The following FOXL2NB variants were observed in gnomAD, a reference collection of about 807,000 sequenced individuals.
The protein encoded by FOXL2NB is FOXL2 neighbor protein.
A neutral mutation model predicts 7.4 loss-of-function variants in FOXL2NB; 10 were observed. That is an observed-to-expected ratio of 1.34 (90% CI 0.83 to 2.28). The LOEUF (loss-of-function observed/expected upper bound fraction) is 2.28. FOXL2NB is among the 30% of genes most tolerant of loss of function. The pLI is 0.00. For synonymous variants in FOXL2NB, 104 were observed against 105.3 expected, an observed-to-expected ratio of 0.99 and a Z score of 0.08; for missense variants, 228 against 233.9, an observed-to-expected ratio of 0.97 and a Z score of 0.17.
rs1936159830 is a variant in FOXL2NB at position 138,952,900 on chromosome 3, T to C, written c.*2328T>C. On this transcript the variant is annotated 3_prime_UTR_variant, in exon 3 of 3. Transcript: ENST00000383165. The stretch of plus-strand genomic sequence containing the variant: ...TTGCTTACATGGATAAGTTCTTTAA[T>C]GGTAATTTCTGAGATTTTGGTGCAC... 6.6e-6 allele frequency: 1 copy of C among 152,018 alleles called. No individual in the cohort carries two copies. Among genetic ancestry groups the C allele is most frequent in the African/African-American group, 2.4e-5 (1 of 41,378 alleles). The allele number at this position is 152,018 out of a possible 1,614,324, so 9.4% of individuals were successfully genotyped here.
Position 138,947,656 on chromosome 3 carries a change from C to A in FOXL2NB, c.100+192C>A. 1 of 1,361,054 alleles carries A rather than the reference C, an allele frequency of 7.3e-7. No homozygotes were observed. Among genetic ancestry groups the A allele is most frequent in the Non-Finnish European group, 9.4e-7 (1 of 1,060,950 alleles). The allele number at this position is 1,361,054 out of a possible 1,614,324, so 84.3% of individuals were successfully genotyped here. On this transcript the variant is annotated intron_variant, in intron 1 of 2. Transcript: ENST00000383165. This position sits in a 1 kb window ranked among gnomAD's most constrained non-coding sequence, Gnocchi z 5.2. ...CGAAGAAGCCTCGGCCTGGCCTGTC[C>A]CTCGCGCTCTCAGAGTGACTGGGCT...
In FOXL2NB at chr3:138,951,700, G is replaced by C. The variant is rs1275774436; in HGVS notation, c.*1128G>C. 6.6e-6 allele frequency: 1 copy of C among 152,214 alleles called. No homozygotes were observed. Among genetic ancestry groups the C allele is most frequent in the Non-Finnish European group, 1.5e-5 (1 of 68,056 alleles). 9.4% of individuals were successfully genotyped at this position (152,214 alleles called of 1,614,324 possible). A position where few individuals can be genotyped will look rare whatever the true frequency, so the allele number is the denominator to read the frequency against. On this transcript the variant is annotated 3_prime_UTR_variant, in exon 3 of 3. Transcript: ENST00000383165. ...GACATCTATGGCCCAAAGCCATTTT[G>C]TTCAGCTCTGAACAGTGAGTGCCTT... is the stretch of plus-strand genomic sequence containing the variant.
rs977306737 is a variant in FOXL2NB, at chr3:138,952,603, G to C, written c.*2031G>C. On this transcript the variant is annotated 3_prime_UTR_variant, in exon 3 of 3. Coordinates refer to ENST00000383165, the MANE Select transcript of FOXL2NB (RefSeq NM_001040061.3). ...GCTTACCGCAGTCTCCACCTCCCAG[G>C]CTCAAGTGATCCTCCCATCTCAGCC... 1.3e-5 allele frequency: 2 copies of C among 151,556 alleles called. No homozygotes were observed. The highest frequency in any genetic ancestry group is 4.9e-5 in the African/African-American group (2 of 41,088). The allele number at this position is 151,556 out of a possible 1,614,324, so 9.4% of individuals were successfully genotyped here. A position where few individuals can be genotyped will look rare whatever the true frequency, so the allele number is the denominator to read the frequency against.
Position 138,949,556 on chromosome 3 carries a change from C to T in FOXL2NB, c.137C>T (p.Ala46Val), listed in dbSNP as rs865982825. ...PALVKKRMPD[A>V]CTLGRAGIGL... ...CTGGTGAAGAAGAGGATGCCTGATG[C>T]GTGCACCCTGGGAAGGGCTGGAATC... Residue 46 changes from alanine to valine, a missense_variant, in exon 2 of 3, where the codon GCG (alanine) becomes GTG (valine). Physicochemically the swap from Ala to Val is moderately conservative, Grantham distance 64. Transcript: ENST00000383165. This position sits in a 1 kb window ranked among gnomAD's most constrained non-coding sequence, Gnocchi z 4.5. 3 of 1,614,106 alleles carry T rather than the reference C, an allele frequency of 1.9e-6. No homozygotes were observed. Among genetic ancestry groups the T allele is most frequent in the African/African-American group, 2.7e-5 (2 of 75,020 alleles).
chr3:138,951,428 C>T lies in FOXL2NB; in HGVS notation c.*856C>T, dbSNP rs1488896377. 6.6e-6 allele frequency: 1 copy of T among 152,238 alleles called. No homozygotes were observed. The highest frequency in any genetic ancestry group is 1.5e-5 in the Non-Finnish European group (1 of 68,066). 9.4% of individuals were successfully genotyped at this position (152,238 alleles called of 1,614,324 possible). On this transcript the variant is annotated 3_prime_UTR_variant, in exon 3 of 3. Coordinates refer to ENST00000383165, the MANE Select transcript of FOXL2NB (RefSeq NM_001040061.3). ...GAGCTCTGGGCTCCTCTTTACCTTG[C>T]TGATGTTGGGGTATGAGTCCTCCAA...
At position 138,951,562 on chromosome 3, in the gene FOXL2NB, C is replaced by A. The variant is rs1936132344; in HGVS notation, c.*990C>A. On this transcript the variant is annotated 3_prime_UTR_variant, in exon 3 of 3. Transcript: ENST00000383165. ...CCAACTGGGAAAAAGGCAGAAGGGT[C>A]TGGGTCCTGGGCCAAGTGAGGCCCT... 6.6e-6 allele frequency: 1 copy of A among 152,278 alleles called. No homozygotes were observed. The highest frequency in any genetic ancestry group is 2.1e-4 in the South Asian group (1 of 4,832). 9.4% of individuals were successfully genotyped at this position (152,278 alleles called of 1,614,324 possible). A position where few individuals can be genotyped will look rare whatever the true frequency, so the allele number is the denominator to read the frequency against.
intron 1 of FOXL2NB, among the ~76,000 whole-genome samples, chr3:138,948,189 G>C (rs1433502887): frequency 6.6e-6 from 1 of 150,696 alleles, no homozygotes; most frequent in Non-Finnish European, 1.5e-5. Flanking sequence ...ACAATTCTTC[G>C]ATGCCTCTTT....
rs551689951 is a variant in FOXL2NB at position 138,953,464 on chromosome 3, G to C, written c.*2892G>C. The C allele has an allele frequency of 7.2e-5, 11 of 152,270 alleles. No individual in the cohort carries two copies. Among genetic ancestry groups the C allele is most frequent in the Admixed American group, 6.5e-4 (10 of 15,300 alleles). The allele number at this position is 152,270 out of a possible 1,614,324, so 9.4% of individuals were successfully genotyped here. A position where few individuals can be genotyped will look rare whatever the true frequency, so the allele number is the denominator to read the frequency against. On this transcript the variant is annotated 3_prime_UTR_variant, in exon 3 of 3. Transcript: ENST00000383165. Reference sequence around the variant, plus strand: ...AGGTTGCTGTGAATGCCATTATTTTGTTCCTTTTTATGGCTGAGTAGTATT... The same window carrying C: ...AGGTTGCTGTGAATGCCATTATTTTCTTCCTTTTTATGGCTGAGTAGTATT...
rs1936100516 is a variant in FOXL2NB at position 138,950,281 on chromosome 3, A to G, written c.237A>G (p.Gln79=). 1.2e-6 allele frequency: 2 copies of G among 1,604,512 alleles called. No homozygotes were observed. The highest frequency in any genetic ancestry group is 1.7e-6 in the Non-Finnish European group (2 of 1,177,484). The change falls in exon 3 of 3, where the codon CAA becomes CAG. Residue 79 remains glutamine (Q), a synonymous_variant. Transcript: ENST00000383165. Reference sequence around the variant, plus strand: ...TCTCCCCAGGGCCGGGAATCCTGCAACAGCGGCAGAAGCCGCCCGCGCCTC... The same window carrying G: ...TCTCCCCAGGGCCGGGAATCCTGCAGCAGCGGCAGAAGCCGCCCGCGCCTC... ...KAQKTGPGIL[Q]QRQKPPAPRA...
At position 138,953,072 on chromosome 3, in the gene FOXL2NB, T is replaced by G. The variant is rs980842269; in HGVS notation, c.*2500T>G. The G allele has an allele frequency of 6.6e-6, 1 of 151,166 alleles. No homozygotes were observed. The highest frequency in any genetic ancestry group is 2.4e-5 in the African/African-American group (1 of 41,114). 9.4% of individuals were successfully genotyped at this position (151,166 alleles called of 1,614,324 possible). ...TCTCACTCTGTTGCCCAGGCTGGAGTGCAGTGGCATGAACTTGGCTTACTG... is the reference window on the plus strand; with the variant it reads ...TCTCACTCTGTTGCCCAGGCTGGAGGGCAGTGGCATGAACTTGGCTTACTG... On this transcript the variant is annotated 3_prime_UTR_variant, in exon 3 of 3. Transcript: ENST00000383165.
Position 138,950,533 on chromosome 3 carries a change from G to A in FOXL2NB, c.489G>A (p.Arg163=), listed in dbSNP as rs1266007638. The A allele has an allele frequency of 6.2e-7, 1 of 1,614,220 alleles. No individual in the cohort carries two copies. The highest frequency in any genetic ancestry group is 1.1e-5 in the South Asian group (1 of 91,086). The stretch of plus-strand genomic sequence containing the variant: ...TCTGCTTGGAGGGATGGCCTCTGCG[G>A]TGCTTGGCTAGCAAAGGGAAGCTTC... ...ATLCLEGWPL[R]CLASKGKLHC... Residue 163 remains arginine (R), a synonymous_variant, in exon 3 of 3, where the codon CGG becomes CGA. Transcript: ENST00000383165.
At chr3:138,950,102 TG>T in intron 2 of FOXL2NB, 162 bp from the exon 3 acceptor site, 1 of 802,404 alleles carries the variant, frequency 1.2e-6, no homozygotes, top group Non-Finnish European at 2.1e-6. Flanking sequence ...CTCCTGACCG[TG>T]GTCCCACCGT....
Position 138,949,957 on chromosome 3 carries a change from C to T in FOXL2NB, c.221-308C>T, listed in dbSNP as rs1455108217. On this transcript the variant is annotated intron_variant, in intron 2 of 2. Transcript: ENST00000383165. This position sits in a 1 kb window ranked among gnomAD's most constrained non-coding sequence, Gnocchi z 4.5. ...TTTTCTCCCCGCGGCATTGGGGCGA[C>T]GCAGGGCCCCCGGCTTAGTGACCTT... 1.4e-6 allele frequency: 1 copy of T among 693,940 alleles called. No individual in the cohort carries two copies. The highest frequency in any genetic ancestry group is 2.6e-6 in the Non-Finnish European group (1 of 380,900). 43.0% of individuals were successfully genotyped at this position (693,940 alleles called of 1,614,324 possible).
Position 138,947,626 on chromosome 3 carries a change from CTG to C in FOXL2NB, c.100+164_100+165del, listed in dbSNP as rs1936016848. On this transcript the variant is annotated intron_variant, in intron 1 of 2. Coordinates refer to ENST00000383165, the MANE Select transcript of FOXL2NB (RefSeq NM_001040061.3). The surrounding 1 kb of genome is among the most constrained non-coding windows in gnomAD (Gnocchi z 5.2). ...AAAGTCAGCCCAGAAACGGGTGTGACTGTACGAAGAAGCCTCGGCCTGGCCTG... is the reference window on the plus strand; with the variant it reads ...AAAGTCAGCCCAGAAACGGGTGTGACTACGAAGAAGCCTCGGCCTGGCCTG... The C allele has an allele frequency of 2.9e-6, 4 of 1,399,306 alleles. No individual in the cohort carries two copies. The highest frequency in any genetic ancestry group is 3.7e-6 in the Non-Finnish European group (4 of 1,079,066). The allele number at this position is 1,399,306 out of a possible 1,614,324, so 86.7% of individuals were successfully genotyped here. A position where few individuals can be genotyped will look rare whatever the true frequency, so the allele number is the denominator to read the frequency against.
In FOXL2NB at chr3:138,949,784, G is replaced by A; in HGVS notation, c.220+145G>A. Reference sequence around the variant, plus strand: ...CCTCTCCTTGCCGGCCCAGCCAGAGGTGGGTGAACCGGGCGCTCCAGGAAA... The same window carrying A: ...CCTCTCCTTGCCGGCCCAGCCAGAGATGGGTGAACCGGGCGCTCCAGGAAA... On this transcript the variant is annotated intron_variant, in intron 2 of 2. Transcript: ENST00000383165. This position sits in a 1 kb window ranked among gnomAD's most constrained non-coding sequence, Gnocchi z 4.5. 2.4e-6 allele frequency: 3 copies of A among 1,254,460 alleles called. No homozygotes were observed. The highest frequency in any genetic ancestry group is 2.3e-6 in the Non-Finnish European group (2 of 878,948). The allele number at this position is 1,254,460 out of a possible 1,614,324, so 77.7% of individuals were successfully genotyped here.
In FOXL2NB at chr3:138,949,441, G is replaced by T; in HGVS notation, c.101-79G>T. The stretch of plus-strand genomic sequence containing the variant: ...GTAGGGGTTGGGGGCAAATGAAGGA[G>T]TTCCTCTGAAGGATTTTCAGAATAG... On this transcript the variant is annotated intron_variant, in intron 1 of 2. Coordinates refer to ENST00000383165, the MANE Select transcript of FOXL2NB (RefSeq NM_001040061.3). The surrounding 1 kb of genome is among the most constrained non-coding windows in gnomAD (Gnocchi z 4.5). The T allele has an allele frequency of 6.4e-7, 1 of 1,551,512 alleles. No individual in the cohort carries two copies. The highest frequency in any genetic ancestry group is 8.8e-7 in the Non-Finnish European group (1 of 1,137,998).
Position 138,947,556 on chromosome 3 carries a change from G to T in FOXL2NB, c.100+92G>T. ...GCTGGGGAGGGGCGAGACGGCGAGG[G>T]GGCTGGACGGGGTAGGGTGGGGAGA... On this transcript the variant is annotated intron_variant, in intron 1 of 2. Transcript: ENST00000383165. This position sits in a 1 kb window ranked among gnomAD's most constrained non-coding sequence, Gnocchi z 5.2. 3 of 1,479,256 alleles carry T rather than the reference G, an allele frequency of 2.0e-6. No individual in the cohort carries two copies. Among genetic ancestry groups the T allele is most frequent in the Non-Finnish European group, 2.7e-6 (3 of 1,108,488 alleles). The allele number at this position is 1,479,256 out of a possible 1,614,324, so 91.6% of individuals were successfully genotyped here. A position where few individuals can be genotyped will look rare whatever the true frequency, so the allele number is the denominator to read the frequency against.
Position 138,950,417 on chromosome 3 carries a change from C to T in FOXL2NB, c.373C>T (p.Gln125Ter). ...CCGCGCCGCCGCCGGCTGCCTGAAC[C>T]AGGTTCCGCTGTCCCCTTTCCTAGC... ...SSRAAAGCLN[Q>*]VPLSPFLAGP... The change falls in exon 3 of 3, where the codon CAG becomes TAG. Residue 125 changes from glutamine to a stop codon, truncating the protein, a stop_gained. Coordinates refer to ENST00000383165, the MANE Select transcript of FOXL2NB (RefSeq NM_001040061.3). LOFTEE classifies it low-confidence loss of function (END_TRUNC). The T allele has an allele frequency of 6.2e-7, 1 of 1,613,794 alleles. No homozygotes were observed. The highest frequency in any genetic ancestry group is 8.5e-7 in the Non-Finnish European group (1 of 1,180,030).
Position 138,952,532 on chromosome 3 carries a change from G to C in FOXL2NB, c.*1960G>C, listed in dbSNP as rs1321673974. On this transcript the variant is annotated 3_prime_UTR_variant, in exon 3 of 3. Coordinates refer to ENST00000383165, the MANE Select transcript of FOXL2NB (RefSeq NM_001040061.3). ...AAACACTTTTTTTTTTTTTGAGACA[G>C]GGTCTCACTCTGTTGCCCAAGCTGG... 1 of 149,004 alleles carries C rather than the reference G, an allele frequency of 6.7e-6. No individual in the cohort carries two copies. Among genetic ancestry groups the C allele is most frequent in the Non-Finnish European group, 1.5e-5 (1 of 68,354 alleles). The allele number at this position is 149,004 out of a possible 1,614,324, so 9.2% of individuals were successfully genotyped here.
Sources: gnomAD v4.1 joint callset for allele counts (sites outside exome capture counted in the v4.1 genomes callset) on GRCh38, gnomAD v4.1.1 for gene constraint, Gnocchi (gnomAD v3.1) non-coding constraint, MANE v1.5 for transcripts, NCBI Gene and HGNC (gene_info 2026-07-23, HGNC 2026-07-21) for gene names.